The following KLHL20 variants were observed in gnomAD, a reference collection of about 807,000 sequenced individuals.
KLHL20 encodes the protein kelch like family member 20, also known as kelch-like protein 20.
In KLHL20, 29 loss-of-function variants were observed where a neutral mutation model predicts 69.5. The observed-to-expected ratio is 0.42, with a 90% confidence interval of 0.31 to 0.57. The LOEUF (loss-of-function observed/expected upper bound fraction) is 0.57, where lower values mean the gene tolerates loss of function less well. Ranked by LOEUF, KLHL20 falls within the 20% of genes least tolerant of loss-of-function variation. The pLI is 0.18. For missense variants in KLHL20, 419 were observed against 776.0 expected (o/e 0.54, Z 5.47); for synonymous variants, 253 against 265.2 (o/e 0.95, Z 0.45).
At chr1:173,774,176 T>G in intron 8 of KLHL20, 129 bp from the exon 9 acceptor site, 1 of 1,083,988 alleles carries the variant, frequency 9.2e-7, no homozygotes, top group Non-Finnish European at 1.3e-6. Flanking sequence ...AGTAAAATGT[T>G]AGATTTTCAT....
chr1:173,754,748 C>T (rs998847249), intron 5 of KLHL20, among the ~76,000 whole-genome samples: 2 of 152,186 alleles, frequency 1.3e-5, no homozygotes, highest in African/African-American at 4.8e-5. Flanking sequence ...TGTACTGATT[C>T]TGATGCAGAA....
chr1:173,730,444 G>A (rs923098836), intron 2 of KLHL20, among the ~76,000 whole-genome samples: 4 of 152,012 alleles, frequency 2.6e-5, no homozygotes, highest in African/African-American at 9.7e-5. Context: ...AAAGCTGGAG[G>A]CATCATGCTA....
chr1:173,767,771 A>G (rs1406160656), intron 8 of KLHL20, among the ~76,000 whole-genome samples: 11 of 152,128 alleles, frequency 7.2e-5, no homozygotes. Flanking sequence ...AGTTCCTTAT[A>G]TATTTTCAGT....
intron 3 of KLHL20, among the ~76,000 whole-genome samples, chr1:173,748,724 T>C (rs1008517635): frequency 6.6e-6 from 1 of 152,000 alleles, no homozygotes; most frequent in Non-Finnish European, 1.5e-5. Flanking sequence ...ATTGTGCACA[T>C]GTACCCTAAA....
In KLHL20 at chr1:173,782,126, T is replaced by C. The variant is rs1485070187; in HGVS notation, c.1641T>C (p.Val547=). 1.2e-6 allele frequency: 2 copies of C among 1,613,532 alleles called. No individual in the cohort carries two copies. The highest frequency in any genetic ancestry group is 1.7e-6 in the Non-Finnish European group (2 of 1,179,488). The change falls in exon 11 of 12, where the codon GTT becomes GTC. Residue 547 remains valine, a splice_region_variant and synonymous_variant. Transcript: ENST00000209884. ...VVAMTSRRSG[V]GLAVVNGQLM... ...CTTACTGTATTTTGGTTTTGTAGGT[T>C]GGCCTGGCAGTGGTCAATGGACAGC...
chr1:173,764,788 A>G (rs911135661), intron 7 of KLHL20, among the ~76,000 whole-genome samples: 10 of 152,140 alleles, frequency 6.6e-5, no homozygotes, highest in African/African-American at 1.7e-4. Context: ...ATACTGATGC[A>G]TGCACCAAAG....
At chr1:173,750,965 A>G (rs926716830) in intron 3 of KLHL20, among the ~76,000 whole-genome samples, 1 of 152,212 alleles carries the variant, frequency 6.6e-6, no homozygotes, top group African/African-American at 2.4e-5. Context: ...CCCTGTCCCA[A>G]GAGAATCCAT....
intron 11 of KLHL20, among the ~76,000 whole-genome samples, 187 bp downstream of exon 11, chr1:173,782,417 C>T (rs1031602660): frequency 5.9e-5 from 9 of 151,898 alleles, no homozygotes; most frequent in Non-Finnish European, 1.3e-4. Flanking sequence ...TTACAAAATT[C>T]TCCTTTTCAG....
chr1:173,767,317 A>G (rs538946250), intron 8 of KLHL20, among the ~76,000 whole-genome samples: 1 of 152,182 alleles, frequency 6.6e-6, no homozygotes, highest in Non-Finnish European at 1.5e-5. Context: ...GCTTAACTTC[A>G]TATCTGGTCT....
chr1:173,777,583 C>A (rs73035157), intron 10 of KLHL20, among the ~76,000 whole-genome samples: 3,857 of 152,184 alleles, frequency 0.025, 177 homozygotes, highest in African/African-American at 0.089. Context: ...GAGGTATGTT[C>A]CCTCTGTACC....
chr1:173,777,525 C>G (rs1648548319), intron 10 of KLHL20, among the ~76,000 whole-genome samples: 1 of 152,186 alleles, frequency 6.6e-6, no homozygotes, highest in Admixed American at 6.5e-5. Flanking sequence ...TTTCCCCATT[C>G]TAAATGATGC....
At position 173,724,370 on chromosome 1, in the gene KLHL20, T is replaced by A. The variant is rs188036348; in HGVS notation, c.23+8304T>A. 2.6e-5 allele frequency among the ~76,000 whole-genome samples: 4 copies of A among 152,292 alleles called. No individual in the cohort carries two copies. The East Asian group carries it at 5.8e-4, about 22-fold the overall frequency. ...TGGTTGCCCTCTTACTAGTTATTCA[T>A]GTATCTCCTCCTCTAGAGATTGCTT... is the stretch of plus-strand genomic sequence containing the variant. On this transcript the variant is annotated intron_variant, in intron 2 of 11. Transcript: ENST00000209884.
In KLHL20 at chr1:173,715,729, A is replaced by C. The variant is rs549363060; in HGVS notation, c.-41-274A>C. Reference sequence around the variant, plus strand: ...GTCGAGATCACAGTTAAATATCTCCAAGCACTTTTTGAAGAGAAACAAGAC... The same window carrying C: ...GTCGAGATCACAGTTAAATATCTCCCAGCACTTTTTGAAGAGAAACAAGAC... On this transcript the variant is annotated intron_variant, in intron 1 of 11. Transcript: ENST00000209884. 5.5e-4 allele frequency: 185 copies of C among 337,050 alleles called. 1 individual carries two copies. Among genetic ancestry groups the C allele is most frequent in the African/African-American group, 3.7e-3 (176 of 48,164 alleles). 20.9% of individuals were successfully genotyped at this position (337,050 alleles called of 1,614,324 possible).
intron 7 of KLHL20, among the ~76,000 whole-genome samples, chr1:173,762,314 T>C (rs1647362822): frequency 6.6e-6 from 1 of 152,076 alleles, no homozygotes; most frequent in Non-Finnish European, 1.5e-5. Context: ...TTGGTACCAA[T>C]CCTTTTGACA....
intron 2 of KLHL20, among the ~76,000 whole-genome samples, chr1:173,728,943 G>A (rs1185125872): frequency 3.3e-5 from 5 of 152,154 alleles, no homozygotes; most frequent in African/African-American, 1.2e-4. Flanking sequence ...CCAGGAGCTG[G>A]TTTTTTGAAA....
At chr1:173,745,382 C>T (rs1297025601) in intron 3 of KLHL20, among the ~76,000 whole-genome samples, 6 of 151,720 alleles carry the variant, frequency 4.0e-5, no homozygotes, top group African/African-American at 1.2e-4. Context: ...AGGCTGGTCT[C>T]GAATGCCTGA....
rs147196637 is a variant in KLHL20 at position 173,744,381 on chromosome 1, A to G, written c.598-7383A>G. On this transcript the variant is annotated intron_variant, in intron 3 of 11. Coordinates refer to ENST00000209884, the MANE Select transcript of KLHL20 (RefSeq NM_014458.4). ...TTTTTAAAGTTCTCTATATATTAACAGTGTTAGCCTTTTATCCATGATACA... is the reference window on the plus strand; with the variant it reads ...TTTTTAAAGTTCTCTATATATTAACGGTGTTAGCCTTTTATCCATGATACA... 6.5e-4 allele frequency among the ~76,000 whole-genome samples: 99 copies of G among 152,206 alleles called. 1 individual carries two copies. Among genetic ancestry groups the G allele is most frequent in the African/African-American group, 2.2e-3 (90 of 41,550 alleles).
At position 173,785,146 on chromosome 1, in the gene KLHL20, T is replaced by C; in HGVS notation, c.1746-17T>C. On this transcript the variant is annotated splice_polypyrimidine_tract_variant and intron_variant, in intron 11 of 11. Coordinates refer to ENST00000209884, the MANE Select transcript of KLHL20 (RefSeq NM_014458.4). ...ATTTTCCAGTTAGAAAATATGATTA[T>C]GTTTCTTTCTTTGCAGGTTATATGG... is the stretch of plus-strand genomic sequence containing the variant. 1 of 1,603,134 alleles carries C rather than the reference T, an allele frequency of 6.2e-7. No individual in the cohort carries two copies. Among genetic ancestry groups the C allele is most frequent in the Non-Finnish European group, 8.5e-7 (1 of 1,172,662 alleles).
At chr1:173,734,744 T>C (rs2102473376) in intron 3 of KLHL20, among the ~76,000 whole-genome samples, 1 of 152,288 alleles carries the variant, frequency 6.6e-6, no homozygotes, top group Non-Finnish European at 1.5e-5. Flanking sequence ...AACCTATCTT[T>C]CCCTTATTTA....
Sources: gnomAD v4.1 joint callset for allele counts (sites outside exome capture counted in the v4.1 genomes callset) on GRCh38, gnomAD v4.1.1 for gene constraint, MANE v1.5 for transcripts, NCBI Gene and HGNC (gene_info 2026-07-23, HGNC 2026-07-21) for gene names.